UNC13A: variants seen among roughly 807,000 people sequenced by gnomAD.
The protein encoded by UNC13A is unc-13 homolog A.
Under a neutral mutation model 219.7 loss-of-function variants are expected in UNC13A, and 61 were observed. The observed-to-expected ratio is 0.28, with a 90% CI of 0.23 to 0.34. The LOEUF (loss-of-function observed/expected upper bound fraction) is 0.34, where lower values mean the gene tolerates loss of function less well. Among genes scored for constraint, UNC13A ranks in the 10% least tolerant of loss-of-function variants. The probability of loss-of-function intolerance (pLI) is 1.00; values close to 1 mark genes in which losing one functional copy is unlikely to be tolerated. For missense variants in UNC13A, 1,476 were observed against 2,270.3 expected (o/e 0.65, Z 7.11); for synonymous variants, 920 against 884.6 (o/e 1.04, Z -0.71).
intron 1 of UNC13A, among the ~76,000 whole-genome samples, chr19:17,679,745 A>C (rs532248368): frequency 2.6e-5 from 4 of 150,958 alleles, no homozygotes; most frequent in Admixed American, 2.0e-4. Flanking sequence ...ATTTCTCTCC[A>C]CTCTGGTCGT....
At chr19:17,683,629 G>T (rs1218421904) in intron 1 of UNC13A, among the ~76,000 whole-genome samples, 1 of 152,104 alleles carries the variant, frequency 6.6e-6, no homozygotes, top group East Asian at 1.9e-4. Flanking sequence ...CTACACTGCA[G>T]TCCGGGTGAC....
intron 31 of UNC13A, among the ~76,000 whole-genome samples, chr19:17,628,999 A>G (rs1423962634): frequency 6.6e-6 from 1 of 152,108 alleles, no homozygotes; most frequent in East Asian, 1.9e-4. Context: ...TATACCAGTC[A>G]ACACAGACAA....
intron 2 of UNC13A, among the ~76,000 whole-genome samples, chr19:17,675,039 C>A (rs2079870307): frequency 6.6e-6 from 1 of 152,200 alleles, no homozygotes; most frequent in African/African-American, 2.4e-5. Flanking sequence ...AAGAAACCCC[C>A]TTTGCAGGCT....
At chr19:17,638,608 C>T (rs138211051) in intron 25 of UNC13A, among the ~76,000 whole-genome samples, 2,639 of 152,148 alleles carry the variant, frequency 0.017, 92 homozygotes, top group African/African-American at 0.06. Context: ...AGGTGGATCA[C>T]CTGAGGTCAA....
chr19:17,634,524 G>A (rs1281016252), intron 26 of UNC13A, among the ~76,000 whole-genome samples: 3 of 152,006 alleles, frequency 2.0e-5, no homozygotes, highest in African/African-American at 4.8e-5. Flanking sequence ...ATTTTTAGTA[G>A]AGATGGGGTT....
At chr19:17,681,790 T>G (rs941296460) in intron 1 of UNC13A, among the ~76,000 whole-genome samples, 2 of 152,122 alleles carry the variant, frequency 1.3e-5, no homozygotes, top group African/African-American at 4.8e-5. Flanking sequence ...GTCCCACCCG[T>G]GTACCCTCAA....
intron 43 of UNC13A, among the ~76,000 whole-genome samples, chr19:17,608,602 CTG>C: frequency 1.3e-5 from 2 of 150,046 alleles, no homozygotes; most frequent in Non-Finnish European, 3.0e-5. Context: ...ACTGCAAGCT[CTG>C]CCTCCCGGGT....
Position 17,606,260 on chromosome 19 carries a change from C to G in UNC13A, c.4906G>C (p.Ala1636Pro). ...GCCAGCTCACGCAGCTGCAGCACGGCCAGCCCCACCGTGCGGTCCTCGCGC... is the reference window on the plus strand; with the variant it reads ...GCCAGCTCACGCAGCTGCAGCACGGGCAGCCCCACCGTGCGGTCCTCGCGC... ...FAREDRTVGL[A>P]VLQLRELAQR... Residue 1636 changes from alanine (A) to proline (P), a missense_variant, in exon 44 of 44, where the codon GCC (alanine) becomes CCC (proline). Ala to Pro is a conservative substitution (Grantham distance 27). Around this residue, in one of 14 missense-constraint regions of UNC13A, gnomAD observed 187 missense variants for 172.3 expected, o/e 1.09. Coordinates refer to ENST00000519716, the MANE Select transcript of UNC13A (RefSeq NM_001080421.3). 1 of 1,547,542 alleles carries G rather than the reference C, an allele frequency of 6.5e-7. No homozygotes were observed.
intron 4 of UNC13A, among the ~76,000 whole-genome samples, chr19:17,671,981 G>A (rs1356859379): frequency 1.3e-5 from 2 of 152,106 alleles, no homozygotes; most frequent in Non-Finnish European, 2.9e-5. Context: ...GCCTAGGGAA[G>A]CACAGCCCAG....
Position 17,639,078 on chromosome 19 carries a change from C to T in UNC13A, c.3081+5G>A. 1 of 1,581,008 alleles carries T rather than the reference C, an allele frequency of 6.3e-7. No homozygotes were observed. The highest frequency in any genetic ancestry group is 8.6e-7 in the Non-Finnish European group (1 of 1,162,992). ...TGTTCCCTTCTGACCCATCTGGAGT[C>T]TCACCGGGTCTGTCTGGTACTCCCG... On this transcript the variant is annotated splice_donor_5th_base_variant and intron_variant, in intron 25 of 43. Coordinates refer to ENST00000519716, the MANE Select transcript of UNC13A (RefSeq NM_001080421.3).
chr19:17,620,831 T>C, intron 37 of UNC13A, 109 bp from the exon 38 acceptor site: 1 of 1,300,924 alleles, frequency 7.7e-7, no homozygotes, highest in Non-Finnish European at 1.1e-6. Context: ...GCCCAGGAGC[T>C]CCTCCCCAGG....
chr19:17,640,708 T>A, intron 21 of UNC13A, 47 bp from the exon 22 acceptor site: 1 of 1,508,526 alleles, frequency 6.6e-7, no homozygotes, highest in South Asian at 1.3e-5. Flanking sequence ...CCAGCCAGGA[T>A]GGACCAAGAT....
At chr19:17,643,979 A>C (rs963449389) in intron 19 of UNC13A, among the ~76,000 whole-genome samples, 5 of 152,054 alleles carry the variant, frequency 3.3e-5, no homozygotes, top group African/African-American at 4.8e-5. Flanking sequence ...GATGTCCTCC[A>C]ATCTAAGAGG....
rs370834755 is a variant in UNC13A at position 17,607,464 on chromosome 19, G to GT, written c.4812-1111_4812-1110insA. On this transcript the variant is annotated intron_variant, in intron 43 of 43. Coordinates refer to ENST00000519716, the MANE Select transcript of UNC13A (RefSeq NM_001080421.3). ...TTTTAGTACAGATGGGGGTGGCGGG[G>GT]GGGGGGGTCTCACCATGTTGGCCAC... Among the ~76,000 whole-genome samples, 58 of 139,002 alleles carry GT rather than the reference G, an allele frequency of 4.2e-4. 3 individuals are homozygous for GT. The highest frequency in any genetic ancestry group is 4.7e-4 in the Non-Finnish European group (30 of 63,198). 91.2% of individuals were successfully genotyped at this position (139,002 alleles called of 152,430 possible).
rs950335621 is a variant in UNC13A at position 17,601,977 on chromosome 19, C to T, written c.*4077G>A. ...AGAGTTCCGGGAGGCCCCAGGTTGT[C>T]CCCATCTGCAAAATCGACAGCACAT... On this transcript the variant is annotated 3_prime_UTR_variant, in exon 44 of 44. Coordinates refer to ENST00000519716, the MANE Select transcript of UNC13A (RefSeq NM_001080421.3). The T allele has an allele frequency of 6.6e-6, 1 of 152,570 alleles. No individual in the cohort carries two copies. 9.5% of individuals were successfully genotyped at this position (152,570 alleles called of 1,614,324 possible). A position where few individuals can be genotyped will look rare whatever the true frequency, so the allele number is the denominator to read the frequency against.
At chr19:17,652,554 G>A (rs988628542) in intron 12 of UNC13A, 77 bp downstream of exon 12, 1 of 1,591,044 alleles carries the variant, frequency 6.3e-7, no homozygotes, top group African/African-American at 1.3e-5. Context: ...TCCTCTCTGG[G>A]CTGAGGCTCA....
chr19:17,615,357 G>A (rs2076651692), intron 41 of UNC13A, among the ~76,000 whole-genome samples: 1 of 152,076 alleles, frequency 6.6e-6, no homozygotes, highest in South Asian at 2.1e-4. Flanking sequence ...ACTCCAGCCT[G>A]GGTGACAGCG....
Position 17,641,391 on chromosome 19 carries a change from A to C in UNC13A, c.2636+2T>G, listed in dbSNP as rs1276659110. The C allele has an allele frequency of 6.2e-7, 1 of 1,613,042 alleles. No individual in the cohort carries two copies. The highest frequency in any genetic ancestry group is 1.7e-5 in the Admixed American group (1 of 59,928). On this transcript the variant is annotated splice_donor_variant, in intron 21 of 43. Transcript: ENST00000519716. LOFTEE classifies it high-confidence loss of function. ...TTCCTGCACCCCAGCCTGCAGTCTC[A>C]CGTCATGGCTTGGTAGATGGACTCG...
chr19:17,663,715 C>T, intron 7 of UNC13A, 148 bp from the exon 8 acceptor site: 1 of 736,952 alleles, frequency 1.4e-6, no homozygotes. Flanking sequence ...TGAGTATCAC[C>T]TTCATTGCTG....
Sources: gnomAD v4.1 joint callset for allele counts (sites outside exome capture counted in the v4.1 genomes callset) on GRCh38, gnomAD v4.1.1 for gene constraint, gnomAD v4.1.1 regional missense constraint, MANE v1.5 for transcripts, NCBI Gene and HGNC (gene_info 2026-07-23, HGNC 2026-07-21) for gene names.